The following MARCHF1 variants were observed in gnomAD, a reference collection of about 807,000 sequenced individuals.
MARCHF1 encodes the protein E3 ubiquitin-protein ligase MARCHF1.
In MARCHF1, 40 loss-of-function variants were observed where a neutral mutation model predicts 54.2. That is an observed-to-expected ratio of 0.74 (90% CI 0.57 to 0.96). The LOEUF is 0.96. Ranked by LOEUF, MARCHF1 falls within the 40% of genes least tolerant of loss-of-function variation. The pLI is 0.00. For synonymous variants in MARCHF1, 236 were observed against 236.3 expected (o/e 1.00, Z 0.01); for missense variants, 586 against 656.5 (o/e 0.89, Z 1.17).
intron 3 of MARCHF1, among the ~76,000 whole-genome samples, chr4:163,962,807 CT>C (rs1436183045): frequency 2.6e-5 from 4 of 151,568 alleles, no homozygotes; most frequent in Non-Finnish European, 4.4e-5. Flanking sequence ...TTAAAATAAG[CT>C]TTTTAAAGCG....
At chr4:163,719,997 A>G (rs1745393724) in intron 4 of MARCHF1, among the ~76,000 whole-genome samples, 1 of 152,134 alleles carries the variant, frequency 6.6e-6, no homozygotes, top group African/African-American at 2.4e-5. Context: ...CTCTGATGAT[A>G]GTTTCTTTTG....
At chr4:163,802,388 A>G (rs1364078712) in intron 4 of MARCHF1, among the ~76,000 whole-genome samples, 1 of 152,138 alleles carries the variant, frequency 6.6e-6, no homozygotes, top group Admixed American at 6.5e-5. Context: ...TATGGTAATA[A>G]AAGTCAAACA....
chr4:163,886,406 T>C (rs1750539341), intron 3 of MARCHF1, among the ~76,000 whole-genome samples: 1 of 150,432 alleles, frequency 6.6e-6, no homozygotes, highest in South Asian at 2.1e-4. Context: ...GGGAGGGAGA[T>C]GAATGTGTGG....
intron 2 of MARCHF1, among the ~76,000 whole-genome samples, chr4:163,993,501 C>T (rs1753007046): frequency 6.6e-6 from 1 of 151,942 alleles, no homozygotes; most frequent in South Asian, 2.1e-4. Flanking sequence ...ATTATTTTTC[C>T]TAATTTTGGC....
intron 1 of MARCHF1, among the ~76,000 whole-genome samples, chr4:164,262,811 A>G (rs1733503846): frequency 6.6e-6 from 1 of 152,332 alleles, no homozygotes; most frequent in African/African-American, 2.4e-5. Context: ...CACAATGACA[A>G]CTATACACTC....
At chr4:163,536,878 C>T (rs952545776) in intron 9 of MARCHF1, among the ~76,000 whole-genome samples, 6 of 152,218 alleles carry the variant, frequency 3.9e-5, no homozygotes, top group Middle Eastern at 3.4e-3. Flanking sequence ...TCAATATGTT[C>T]CTGGGAAGTC....
intron 3 of MARCHF1, among the ~76,000 whole-genome samples, chr4:163,886,735 A>G (rs1750547491): frequency 6.6e-6 from 1 of 152,190 alleles, no homozygotes; most frequent in Non-Finnish European, 1.5e-5. Flanking sequence ...AGATAAGGAA[A>G]GATAGTCTTT....
chr4:163,939,012 A>G (rs74731108), intron 3 of MARCHF1, among the ~76,000 whole-genome samples: 2,828 of 152,250 alleles, frequency 0.019, 47 homozygotes, highest in South Asian at 0.046. Flanking sequence ...CACTTAAGGT[A>G]AGAAAAAAAT....
At chr4:164,183,456 A>G (rs1730886369) in intron 1 of MARCHF1, among the ~76,000 whole-genome samples, 1 of 152,090 alleles carries the variant, frequency 6.6e-6, no homozygotes, top group African/African-American at 2.4e-5. Context: ...ACTTTGTGAG[A>G]TCTGTTGCTA....
intron 1 of MARCHF1, among the ~76,000 whole-genome samples, chr4:164,121,520 AACTC>A (rs1258344679): frequency 6.6e-6 from 1 of 152,066 alleles, no homozygotes; most frequent in Non-Finnish European, 1.5e-5. Context: ...ATCTCATGAG[AACTC>A]ACTCACTGTC....
At position 163,612,464 on chromosome 4, in the gene MARCHF1, G is replaced by T. The variant is rs568945833; in HGVS notation, c.817C>A (p.Pro273Thr). The T allele has an allele frequency of 1.6e-5, 24 of 1,535,024 alleles. No homozygotes were observed. The highest frequency in any genetic ancestry group is 2.1e-5 in the Non-Finnish European group (24 of 1,146,418). Residue 273 changes from proline to threonine, a missense_variant, in exon 7 of 10, where the codon CCT becomes ACT. By Grantham distance (38) the Pro-to-Thr change is conservative. Around this residue, in one of 3 missense-constraint regions of MARCHF1, gnomAD observed 387 missense variants for 394.6 expected, o/e 0.98. Coordinates refer to ENST00000514618, the MANE Select transcript of MARCHF1 (RefSeq NM_001394959.1). ...TTCCTAAGACTTTGCAAGAGCTGAG[G>T]ATCTCTGTGGTGATATCTGCCTTTG... ...KSKGRYHHRD[P>T]QLLQSLRKNE... is the part of the protein sequence containing the mutation.
chr4:163,627,840 G>T (rs911584740), intron 5 of MARCHF1, among the ~76,000 whole-genome samples: 6 of 149,638 alleles, frequency 4.0e-5, no homozygotes, highest in Non-Finnish European at 8.9e-5. Flanking sequence ...AAAGGAATAT[G>T]TTTTTTTTTT....
intron 8 of MARCHF1, among the ~76,000 whole-genome samples, 169 bp from the exon 9 acceptor site, chr4:163,545,912 T>C (rs1230794405): frequency 6.6e-6 from 1 of 152,086 alleles, no homozygotes; most frequent in East Asian, 1.9e-4. Context: ...GATATGAAAT[T>C]ATAACCTAGA....
chr4:163,760,449 C>T (rs1239564275), intron 4 of MARCHF1, among the ~76,000 whole-genome samples: 1 of 152,172 alleles, frequency 6.6e-6, no homozygotes, highest in African/African-American at 2.4e-5. Context: ...GTCTTCCATA[C>T]ATAACTAGTT....
intron 9 of MARCHF1, among the ~76,000 whole-genome samples, chr4:163,538,815 G>A (rs1738623453): frequency 6.6e-6 from 1 of 152,038 alleles, no homozygotes; most frequent in South Asian, 2.1e-4. Flanking sequence ...ATCCTTGATA[G>A]CTTGTTTCAA....
At position 163,860,632 on chromosome 4, in the gene MARCHF1, A is replaced by T. The variant is rs147251025; in HGVS notation, c.-38-6463T>A. Among the ~76,000 whole-genome samples the T allele has an allele frequency of 2.2e-4, 33 of 152,276 alleles. No homozygotes were observed. In the East Asian group the frequency reaches 5.8e-3, roughly 27 times the overall value. On this transcript the variant is annotated intron_variant, in intron 3 of 9. Transcript: ENST00000514618. The stretch of plus-strand genomic sequence containing the variant: ...CACTAAAAGACTTTGATTGAATCAT[A>T]AAGTTACAGAATACTTCTCCTCTAC...
At chr4:164,216,805 G>A (rs1410191602) in intron 1 of MARCHF1, among the ~76,000 whole-genome samples, 1 of 152,124 alleles carries the variant, frequency 6.6e-6, no homozygotes, top group Non-Finnish European at 1.5e-5. Context: ...TTACTGCAGG[G>A]AAAATTCCTG....
At chr4:163,914,911 G>A (rs539435588) in intron 3 of MARCHF1, among the ~76,000 whole-genome samples, 1 of 151,946 alleles carries the variant, frequency 6.6e-6, no homozygotes, top group Non-Finnish European at 1.5e-5. Context: ...TGAATACTTC[G>A]AGCTGCCGTG....
At position 163,651,423 on chromosome 4, in the gene MARCHF1, C is replaced by T. The variant is rs188825417; in HGVS notation, c.163-38030G>A. Among the ~76,000 whole-genome samples, 6 of 151,792 alleles carry T rather than the reference C, an allele frequency of 4.0e-5. No individual in the cohort carries two copies. The East Asian group carries it at 1.2e-3, about 29-fold the overall frequency. ...GTCATCAGTTTACCTTCTGGGAATT[C>T]CTTGTAAGCTGAGTGTTAGTTTTCC... On this transcript the variant is annotated intron_variant, in intron 5 of 9. Coordinates refer to ENST00000514618, the MANE Select transcript of MARCHF1 (RefSeq NM_001394959.1).
Sources: gnomAD v4.1 joint callset for allele counts (sites outside exome capture counted in the v4.1 genomes callset) on GRCh38, gnomAD v4.1.1 for gene constraint, gnomAD v4.1.1 regional missense constraint, MANE v1.5 for transcripts, NCBI Gene and HGNC (gene_info 2026-07-23, HGNC 2026-07-21) for gene names.